Variants in DDX5 observed in about 807,000 individuals in gnomAD.
DDX5 encodes the protein DEAD-box helicase 5, also known as probable ATP-dependent RNA helicase DDX5.
A neutral mutation model predicts 68.6 loss-of-function variants in DDX5; 6 were observed. The observed-to-expected ratio is 0.09, with a 90% CI of 0.05 to 0.17. The LOEUF is 0.17. DDX5 is among the 10% of genes least tolerant of loss of function. The pLI, the probability that DDX5 is intolerant of heterozygous loss-of-function variation, is 1.00. For synonymous variants in DDX5, 350 were observed against 247.0 expected (o/e 1.42, Z -3.91); for missense variants, 499 against 756.1 (o/e 0.66, Z 3.99).
At chr17:64,505,845 C>A (rs530388540) in intron 1 of DDX5, 1 of 1,536,084 alleles carries the variant, frequency 6.5e-7, no homozygotes. Flanking sequence ...GCAGCCGCCC[C>A]GACAGCTCCC....
In DDX5 at chr17:64,503,344, C is replaced by T. The variant is rs527426810; in HGVS notation, c.654G>A (p.Val218=). ...TTCCAGGTGTTGCAATACAGATTTC[C>T]ACACCTTTAATTAAATACGTAAGTG... is the stretch of plus-strand genomic sequence containing the variant. ...GPQIRDLERG[V]EICIATPGRL... The change falls in exon 7 of 13, where the codon GTG becomes GTA. Residue 218 remains valine (V), a synonymous_variant. Transcript: ENST00000225792. 3.7e-6 allele frequency: 6 copies of T among 1,614,138 alleles called. No homozygotes were observed. The South Asian group carries it at 6.6e-5, about 18-fold the overall frequency.
upstream of DDX5, chr17:64,506,770 C>T (rs1339940299): frequency 7.7e-6 from 4 of 518,712 alleles, no homozygotes; most frequent in Admixed American, 3.5e-5. Context: ...GTGCGCTGCT[C>T]GCACCCCGGG....
Position 64,503,020 on chromosome 17 carries a change from A to G in DDX5, c.889T>C (p.Tyr297His). 6.2e-7 allele frequency: 1 copy of G among 1,614,122 alleles called. No individual in the cohort carries two copies. Among genetic ancestry groups the G allele is most frequent in the Admixed American group, 1.7e-5 (1 of 60,014 alleles). ...AGTGCACCAATGTTTATATGAATAT[A>G]GTCTTTCAGGAAATCTTCAGCAAGC... Reference protein sequence around the residue: ...RQLAEDFLKDYIHINIGALEL... With the variant: ...RQLAEDFLKDHIHINIGALEL... The change falls in exon 8 of 13, where the codon TAT becomes CAT. Residue 297 changes from tyrosine (Y) to histidine (H), a missense_variant. Tyr to His is a moderately conservative substitution (Grantham distance 83, BLOSUM62 2). Around this residue, in one of 5 missense-constraint regions of DDX5, gnomAD observed 141 missense variants for 279.8 expected, o/e 0.50. Coordinates refer to ENST00000225792, the MANE Select transcript of DDX5 (RefSeq NM_004396.5).
At chr17:64,504,623 T>G in intron 2 of DDX5, 54 bp downstream of exon 2, 1 of 1,538,034 alleles carries the variant, frequency 6.5e-7, no homozygotes, top group South Asian at 1.3e-5. Flanking sequence ...GAATTTCATT[T>G]ACTAGAATCC....
chr17:64,502,621 C>T, intron 8 of DDX5, 72 bp from the exon 9 acceptor site: 1 of 1,102,698 alleles, frequency 9.1e-7, no homozygotes, highest in Non-Finnish European at 1.3e-6. Flanking sequence ...CATTTATGGT[C>T]AGCAAAACAT....
At chr17:64,504,183 C>CA in intron 3 of DDX5, 39 bp downstream of exon 3, 1 of 1,612,858 alleles carries the variant, frequency 6.2e-7, no homozygotes, top group Non-Finnish European at 8.5e-7. Flanking sequence ...TAGGTGGAAA[C>CA]AAAAACACGG....
upstream of DDX5, chr17:64,506,390 G>T: frequency 7.1e-7 from 1 of 1,403,826 alleles, no homozygotes; most frequent in South Asian, 1.5e-5. Flanking sequence ...CGCCCCTCGC[G>T]CATAGGCCGC....
chr17:64,500,788 A>G lies in DDX5; in HGVS notation c.1217-15T>C. ...ATCTTCCACATCTGTAAGGTGTTGC[A>G]GTGTGGCAAAATAGCAATGTACGGA... On this transcript the variant is annotated splice_polypyrimidine_tract_variant and intron_variant, in intron 11 of 12. Coordinates refer to ENST00000225792, the MANE Select transcript of DDX5 (RefSeq NM_004396.5). 1 of 1,595,268 alleles carries G rather than the reference A, an allele frequency of 6.3e-7. No homozygotes were observed. The highest frequency in any genetic ancestry group is 8.6e-7 in the Non-Finnish European group (1 of 1,163,030).
intron 1 of DDX5, chr17:64,505,380 G>C (rs562323473): frequency 1.5e-5 from 7 of 462,428 alleles, no homozygotes; most frequent in Non-Finnish European, 2.7e-5. Flanking sequence ...TAGAGCTCCG[G>C]ATCAACGAAT....
intron 9 of DDX5, 60 bp downstream of exon 9, chr17:64,502,379 A>C (rs782457336): frequency 1.2e-5 from 17 of 1,459,426 alleles, no homozygotes; most frequent in Non-Finnish European, 1.6e-5. Context: ...TCGTGATCCA[A>C]GTTTGCCCTT....
chr17:64,504,752 C>G lies in DDX5; in HGVS notation c.135G>C (p.Lys45Asn). 1 of 1,614,156 alleles carries G rather than the reference C, an allele frequency of 6.2e-7. No homozygotes were observed. The highest frequency in any genetic ancestry group is 8.5e-7 in the Non-Finnish European group (1 of 1,180,016). ...ATTTAGGCAGCTCATCAAGATTCCA[C>G]TTCTTTTTAACTAATTTCTCCCCAG... ...GNPGEKLVKK[K>N]WNLDELPKFE... Residue 45 changes from lysine to asparagine, a missense_variant, in exon 2 of 13, where the codon AAG (lysine) becomes AAC (asparagine). This residue lies in a region of DDX5 where 140 missense variants were observed against 135.7 expected (regional missense o/e 1.03). Coordinates refer to ENST00000225792, the MANE Select transcript of DDX5 (RefSeq NM_004396.5).
intron 5 of DDX5, 63 bp from the exon 6 acceptor site, chr17:64,503,634 T>C: frequency 1.3e-6 from 2 of 1,594,268 alleles, no homozygotes; most frequent in South Asian, 1.1e-5. Flanking sequence ...GCTAACTTAT[T>C]ATACTAGCAG....
At chr17:64,506,689 CGA>C (rs781982318), upstream of DDX5, 87 of 392,726 alleles carry the variant, frequency 2.2e-4, no homozygotes, top group Non-Finnish European at 5.6e-5. Context: ...CCCGGACCAC[CGA>C]GAGAGCGGTC....
rs1323129283 is a variant in DDX5 at position 64,499,534 on chromosome 17, A to G, written c.*389T>C. 1 of 222,278 alleles carries G rather than the reference A, an allele frequency of 4.5e-6. No individual in the cohort carries two copies. Among genetic ancestry groups the G allele is most frequent in the South Asian group, 1.8e-4 (1 of 5,602 alleles). The allele number at this position is 222,278 out of a possible 1,614,324, so 13.8% of individuals were successfully genotyped here. On this transcript the variant is annotated 3_prime_UTR_variant, in exon 13 of 13. Coordinates refer to ENST00000225792, the MANE Select transcript of DDX5 (RefSeq NM_004396.5). Reference sequence around the variant, plus strand: ...TCATTTGTTTTCATGGAAAAAAAAAACCAAACAAAAACAAAAAAAAAACCA... The same window carrying G: ...TCATTTGTTTTCATGGAAAAAAAAAGCCAAACAAAAACAAAAAAAAAACCA...
rs781979552 is a variant in DDX5, at chr17:64,503,805, T to C, written c.505A>G (p.Ile169Val). 10 of 1,613,806 alleles carry C rather than the reference T, an allele frequency of 6.2e-6. No homozygotes were observed. The highest frequency in any genetic ancestry group is 1.1e-5 in the South Asian group (1 of 91,032). The change falls in exon 5 of 13, where the codon ATT (isoleucine) becomes GTT (valine). Residue 169 changes from isoleucine to valine, a missense_variant and splice_region_variant. Coordinates refer to ENST00000225792, the MANE Select transcript of DDX5 (RefSeq NM_004396.5). ...QPFLERGDGP[I>V]CLVLAPTREL... ...AAAAGTTAAAAATATATACTTACAA[T>C]AGGCCCATCGCCTCTCTCTAGGAAT...
intron 11 of DDX5, 29 bp from the exon 12 acceptor site, chr17:64,500,802 G>GCAA (rs1244145119): frequency 6.5e-7 from 1 of 1,546,442 alleles, no homozygotes; most frequent in African/African-American, 1.4e-5. Flanking sequence ...TGGCAAAATA[G>GCAA]CAATGTACGG....
chr17:64,501,041 C>T, intron 11 of DDX5: 1 of 509,674 alleles, frequency 2.0e-6, no homozygotes, highest in South Asian at 2.4e-5. Context: ...ATTCCCAAAT[C>T]AGCAAGTTCC....
intron 1 of DDX5, chr17:64,505,232 G>A (rs2038422471): frequency 4.0e-6 from 1 of 252,344 alleles, no homozygotes; most frequent in Non-Finnish European, 7.7e-6. Flanking sequence ...AGAGCATCAC[G>A]ACGATGTTAC....
intron 1 of DDX5, chr17:64,505,454 G>T: frequency 1.8e-6 from 1 of 567,000 alleles, no homozygotes; most frequent in South Asian, 2.2e-5. Context: ...GAGGAGTCCC[G>T]GCCCGGGCGG....
Sources: allele counts gnomAD v4.1 joint callset, GRCh38; gene constraint gnomAD v4.1.1; regional missense constraint gnomAD v4.1.1; transcripts MANE v1.5; gene names NCBI Gene and HGNC (gene_info 2026-07-23, HGNC 2026-07-21).